USP32: variants seen among roughly 807,000 people sequenced by gnomAD.
USP32 encodes ubiquitin carboxyl-terminal hydrolase 32.
In USP32, 59 loss-of-function variants were observed where a neutral mutation model predicts 204.8. That is an observed-to-expected ratio of 0.29 (90% confidence interval 0.23 to 0.36). USP32 has a LOEUF of 0.36. Among genes scored for constraint, USP32 ranks in the 10% least tolerant of loss-of-function variants. The pLI is 1.00. For synonymous variants in USP32, 517 were observed against 678.4 expected (o/e 0.76, Z 3.70); for missense variants, 1,160 against 1,946.4 (o/e 0.60, Z 7.60).
Position 60,229,030 on chromosome 17 carries a change from CT to C in USP32, c.1240-2800del, listed in dbSNP as rs373140559. On this transcript the variant is annotated intron_variant, in intron 12 of 33. Coordinates refer to ENST00000300896, the MANE Select transcript of USP32 (RefSeq NM_032582.4). The stretch of plus-strand genomic sequence containing the variant: ...TGCCTTATTATTTAAATCAATTCAA[CT>C]TTTTTTTTTCACTTATGCTTTTTGA... Among the ~76,000 whole-genome samples the C allele has an allele frequency of 1.7e-4, 25 of 148,714 alleles. No homozygotes were observed. The South Asian group carries it at 3.0e-3, about 18-fold the overall frequency.
intron 1 of USP32, among the ~76,000 whole-genome samples, chr17:60,363,868 AGGAG>A (rs1358262753): frequency 1.3e-5 from 2 of 151,932 alleles, no homozygotes; most frequent in Admixed American, 1.3e-4. Context: ...GGGAGAAGGA[AGGAG>A]GAAGGGAGGG....
intron 1 of USP32, among the ~76,000 whole-genome samples, chr17:60,417,359 T>C (rs1231672439): frequency 2.6e-5 from 4 of 152,178 alleles, no homozygotes; most frequent in African/African-American, 9.7e-5. Context: ...TTGCCCATGC[T>C]GGTCTCTAAC....
chr17:60,281,931 A>G (rs546616615), intron 5 of USP32, among the ~76,000 whole-genome samples: 1 of 152,328 alleles, frequency 6.6e-6, no homozygotes, highest in East Asian at 1.9e-4. Flanking sequence ...CCAATGCTCA[A>G]TATAGCTGGT....
rs1425423930 is a variant in USP32, at chr17:60,181,713, A to G, written c.4159T>C (p.Cys1387Arg). 6.2e-7 allele frequency: 1 copy of G among 1,609,222 alleles called. No individual in the cohort carries two copies. The highest frequency in any genetic ancestry group is 8.5e-7 in the Non-Finnish European group (1 of 1,177,766). ...GGGCTGCTGTTTTTGCTGGAGGGACAGCTGGTTCCACTTTTTCTTGATGAA... is the reference window on the plus strand; with the variant it reads ...GGGCTGCTGTTTTTGCTGGAGGGACGGCTGGTTCCACTTTTTCTTGATGAA... ...PSSSRKSGTSCPSSKNSSPNS... is the reference protein window; with the variant it reads ...PSSSRKSGTSRPSSKNSSPNS... Residue 1387 changes from cysteine to arginine, a missense_variant, in exon 32 of 34, where the codon TGT becomes CGT. By Grantham distance (180) the Cys-to-Arg change is radical (BLOSUM62 -3). Coordinates refer to ENST00000300896, the MANE Select transcript of USP32 (RefSeq NM_032582.4).
At chr17:60,271,159 C>T (rs2145788049) in intron 6 of USP32, among the ~76,000 whole-genome samples, 191 bp downstream of exon 6, 1 of 152,280 alleles carries the variant, frequency 6.6e-6, no homozygotes, top group South Asian at 2.1e-4. Flanking sequence ...CTGATTTATG[C>T]AAGGTTATAA....
At chr17:60,231,209 T>C (rs748661391) in intron 12 of USP32, among the ~76,000 whole-genome samples, 46 of 152,192 alleles carry the variant, frequency 3.0e-4, no homozygotes, top group Admixed American at 1.4e-3. Flanking sequence ...TTTTTCTCTA[T>C]TGATGATACT....
intron 1 of USP32, among the ~76,000 whole-genome samples, chr17:60,349,578 GAAAAAAAA>G (rs757370384): frequency 2.3e-3 from 65 of 27,716 alleles, no homozygotes; most frequent in Middle Eastern, 0.025. Context: ...TGTCTCAAAA[GAAAAAAAA>G]AAAAAAAAAA....
intron 28 of USP32, among the ~76,000 whole-genome samples, 172 bp from the exon 29 acceptor site, chr17:60,190,855 T>C (rs539635619): frequency 2.6e-5 from 4 of 152,350 alleles, no homozygotes; most frequent in South Asian, 4.1e-4. Context: ...TATTAATAAT[T>C]AGTACAGTTT....
chr17:60,297,597 C>T (rs181609745), intron 3 of USP32, among the ~76,000 whole-genome samples: 7 of 151,916 alleles, frequency 4.6e-5, no homozygotes, highest in Admixed American at 2.0e-4. Flanking sequence ...TACAGTCACA[C>T]GCCCAGCTAA....
intron 30 of USP32, among the ~76,000 whole-genome samples, chr17:60,185,009 T>G (rs2084215013): frequency 6.6e-6 from 1 of 152,166 alleles, no homozygotes; most frequent in South Asian, 2.1e-4. Context: ...TGCACTGGTG[T>G]GCTTGTGTAC....
At chr17:60,301,426 A>T (rs2087571704) in intron 3 of USP32, 173 bp downstream of exon 3, 3 of 477,404 alleles carry the variant, frequency 6.3e-6, no homozygotes, top group Admixed American at 4.3e-5. Flanking sequence ...CTGTAATTTT[A>T]ATTTATATTT....
intron 2 of USP32, among the ~76,000 whole-genome samples, chr17:60,338,954 G>A (rs1002561297): frequency 2.0e-5 from 3 of 152,058 alleles, no homozygotes; most frequent in East Asian, 3.9e-4. Context: ...CTGTTGCCCA[G>A]GCTGGAGAGC....
chr17:60,186,628 A>G (rs1250944715), intron 29 of USP32, among the ~76,000 whole-genome samples: 3 of 152,190 alleles, frequency 2.0e-5, no homozygotes, highest in Non-Finnish European at 2.9e-5. Context: ...GAAGGCCCCT[A>G]ATACTCACCC....
intron 1 of USP32, among the ~76,000 whole-genome samples, chr17:60,346,484 T>G (rs2088788914): frequency 1.3e-5 from 2 of 152,342 alleles, no homozygotes; most frequent in Admixed American, 1.3e-4. Context: ...TTAGCTTGGA[T>G]TTTGTCATTA....
intron 9 of USP32, among the ~76,000 whole-genome samples, chr17:60,264,373 C>A (rs2145760064): frequency 6.6e-6 from 1 of 150,654 alleles, no homozygotes; most frequent in Non-Finnish European, 1.5e-5. Flanking sequence ...AAAAAATTAG[C>A]TGGGCATGGT....
chr17:60,357,872 AG>A (rs2089121072), intron 1 of USP32, among the ~76,000 whole-genome samples: 4 of 151,996 alleles, frequency 2.6e-5, no homozygotes, highest in Non-Finnish European at 2.9e-5. Context: ...AGGTTCAAGC[AG>A]TTCTCCTGCC....
intron 1 of USP32, among the ~76,000 whole-genome samples, chr17:60,363,441 C>A (rs1238646119): frequency 7.7e-6 from 1 of 129,562 alleles, no homozygotes; most frequent in Non-Finnish European, 1.6e-5. Flanking sequence ...GGTGACAGAG[C>A]GAGACTCTGT....
At chr17:60,206,409 G>C (rs995541431) in intron 25 of USP32, among the ~76,000 whole-genome samples, 3 of 149,520 alleles carry the variant, frequency 2.0e-5, no homozygotes, top group Admixed American at 6.6e-5. Context: ...CACGTGACTG[G>C]TGGATACTGT....
chr17:60,420,260 C>T (rs1356986822), intron 1 of USP32, among the ~76,000 whole-genome samples: 3 of 152,008 alleles, frequency 2.0e-5, no homozygotes, highest in African/African-American at 4.8e-5. Flanking sequence ...TCTCAAACTG[C>T]TGCGATTATA....
Sources: gnomAD v4.1 joint callset for allele counts (sites outside exome capture counted in the v4.1 genomes callset) on GRCh38, gnomAD v4.1.1 for gene constraint, MANE v1.5 for transcripts, NCBI Gene and HGNC (gene_info 2026-07-23, HGNC 2026-07-21) for gene names.